Variants in SAP30BP observed in about 807,000 individuals in gnomAD.
SAP30BP encodes the protein SAP30 binding protein.
In SAP30BP, 31 loss-of-function variants were observed where a neutral mutation model predicts 46.3. The observed-to-expected ratio is 0.67, with a 90% CI of 0.50 to 0.90. The LOEUF is 0.90. SAP30BP is among the 40% of genes least tolerant of loss of function. SAP30BP has a pLI of 0.00. For synonymous variants in SAP30BP, 169 were observed against 144.2 expected, an observed-to-expected ratio of 1.17 and a Z score of -1.23; for missense variants, 312 against 391.0, an observed-to-expected ratio of 0.80 and a Z score of 1.70.
intron 3 of SAP30BP, among the ~76,000 whole-genome samples, chr17:75,680,184 G>C (rs951751679): frequency 6.6e-6 from 1 of 152,068 alleles, no homozygotes; most frequent in Non-Finnish European, 1.5e-5. Context: ...CTCACGCTCT[G>C]ATCTAGGAAA....
In SAP30BP at chr17:75,668,449, C is replaced by G. The variant is rs944843258; in HGVS notation, c.107-67C>G. On this transcript the variant is annotated intron_variant, in intron 1 of 10. Coordinates refer to ENST00000584667, the MANE Select transcript of SAP30BP (RefSeq NM_013260.8). ...CCACTCAAATCTCTGGACATTTTTT[C>G]TTACATTGTAACTCTTGTTTTTTTT... 152 of 998,794 alleles carry G rather than the reference C, an allele frequency of 1.5e-4. 2 individuals are homozygous for G. The highest frequency in any genetic ancestry group is 8.8e-4 in the Admixed American group (30 of 34,074). 61.9% of individuals were successfully genotyped at this position (998,794 alleles called of 1,614,324 possible).
At chr17:75,689,889 C>G (rs549461022) in intron 3 of SAP30BP, among the ~76,000 whole-genome samples, 1 of 152,140 alleles carries the variant, frequency 6.6e-6, no homozygotes, top group Non-Finnish European at 1.5e-5. Flanking sequence ...AATAATCGAG[C>G]CTTTCTTCCG....
At chr17:75,704,917 C>G (rs928631062) in intron 9 of SAP30BP, 103 bp downstream of exon 9, 3 of 885,300 alleles carry the variant, frequency 3.4e-6, no homozygotes, top group Non-Finnish European at 5.7e-6. Flanking sequence ...ACCCTGGCCC[C>G]GTGTCATCAC....
chr17:75,673,529 C>G (rs2059937950), intron 3 of SAP30BP, among the ~76,000 whole-genome samples: 1 of 152,142 alleles, frequency 6.6e-6, no homozygotes, highest in Non-Finnish European at 1.5e-5. Flanking sequence ...GATCTGGGTC[C>G]TAGAGTCTTT....
intron 9 of SAP30BP, chr17:75,705,594 TC>T (rs905655514): frequency 9.7e-7 from 1 of 1,031,716 alleles, no homozygotes; most frequent in Non-Finnish European, 1.2e-6. Context: ...TCTTTCCCTC[TC>T]CCTTCCAAAC....
At chr17:75,701,512 C>G (rs1395227719) in intron 5 of SAP30BP, among the ~76,000 whole-genome samples, 1 of 152,192 alleles carries the variant, frequency 6.6e-6, no homozygotes, top group East Asian at 1.9e-4. Flanking sequence ...AGGTGGTTCT[C>G]CACTCTCCCA....
intron 3 of SAP30BP, chr17:75,692,349 C>T (rs2060254080): frequency 1.0e-6 from 1 of 985,434 alleles, no homozygotes; most frequent in South Asian, 4.7e-5. Context: ...GGTCTTGTTG[C>T]AGGGTCTTCC....
At chr17:75,679,448 C>T (rs1001341922) in intron 3 of SAP30BP, 2 of 152,190 alleles carry the variant, frequency 1.3e-5, no homozygotes, top group African/African-American at 2.4e-5. Flanking sequence ...ACTTTGTTAT[C>T]TGATGACTTT....
chr17:75,699,922 T>TA, intron 5 of SAP30BP, 51 bp downstream of exon 5: 1 of 1,357,242 alleles, frequency 7.4e-7, no homozygotes, highest in Non-Finnish European at 1.1e-6. Context: ...TAGCCTGGGT[T>TA]ACGTGTTTGG....
At chr17:75,696,846 C>T (rs1599156139) in intron 4 of SAP30BP, among the ~76,000 whole-genome samples, 1 of 145,196 alleles carries the variant, frequency 6.9e-6, no homozygotes, top group South Asian at 2.2e-4. Context: ...GGTGCAATCT[C>T]GGCTCACTGT....
intron 3 of SAP30BP, among the ~76,000 whole-genome samples, chr17:75,675,393 C>T (rs1297909495): frequency 6.6e-6 from 1 of 152,120 alleles, no homozygotes; most frequent in Non-Finnish European, 1.5e-5. Context: ...TCGTTATCTG[C>T]CCACCTCAGC....
chr17:75,693,225 G>A (rs752500896), intron 3 of SAP30BP: 7 of 551,474 alleles, frequency 1.3e-5, no homozygotes, highest in East Asian at 6.2e-5. Context: ...AGAGACCGGC[G>A]TGGGGCTCGG....
intron 3 of SAP30BP, among the ~76,000 whole-genome samples, chr17:75,673,932 G>T (rs1192515857): frequency 6.6e-6 from 1 of 152,166 alleles, no homozygotes; most frequent in East Asian, 1.9e-4. Flanking sequence ...TTTTACTGTG[G>T]AATGAAAAGT....
chr17:75,691,126 G>C (rs1334007550), intron 3 of SAP30BP, among the ~76,000 whole-genome samples: 3 of 152,090 alleles, frequency 2.0e-5, no homozygotes, highest in Admixed American at 6.5e-5. Context: ...CTTGTTTGTG[G>C]GCCTCAGGTT....
At position 75,671,741 on chromosome 17, in the gene SAP30BP, G is replaced by T. The variant is rs1265002181; in HGVS notation, c.217-75G>T. ...GCTGGGTAAATGGGCTGTTTGCTCC[G>T]GCCCCTAGTTATGCATGTGAGACTC... On this transcript the variant is annotated intron_variant, in intron 2 of 10. Coordinates refer to ENST00000584667, the MANE Select transcript of SAP30BP (RefSeq NM_013260.8). The T allele has an allele frequency of 1.0e-5, 12 of 1,145,576 alleles. No homozygotes were observed. In the East Asian group the frequency reaches 2.3e-4, roughly 22 times the overall value. The allele number at this position is 1,145,576 out of a possible 1,614,324, so 71.0% of individuals were successfully genotyped here. A position where few individuals can be genotyped will look rare whatever the true frequency, so the allele number is the denominator to read the frequency against.
At chr17:75,684,855 T>C (rs1175809863) in intron 3 of SAP30BP, 1 of 152,206 alleles carries the variant, frequency 6.6e-6, no homozygotes. Flanking sequence ...AATCCAAGCC[T>C]GCTTTGGCTT....
intron 7 of SAP30BP, 105 bp from the exon 8 acceptor site, chr17:75,703,703 C>T (rs1022829957): frequency 1.8e-5 from 18 of 1,022,948 alleles, no homozygotes; most frequent in Admixed American, 1.0e-4. Flanking sequence ...AGCCGAGCCC[C>T]GGGTAAGGGG....
rs112125050 is a variant in SAP30BP at position 75,693,758 on chromosome 17, G to A, written c.307+276G>A. 3.9e-3 allele frequency among the ~76,000 whole-genome samples: 600 copies of A among 152,332 alleles called. 7 individuals carry two copies. The highest frequency in any genetic ancestry group is 0.014 in the African/African-American group (578 of 41,584). On this transcript the variant is annotated intron_variant, in intron 4 of 10. Coordinates refer to ENST00000584667, the MANE Select transcript of SAP30BP (RefSeq NM_013260.8). Reference sequence around the variant, plus strand: ...GGGAATTCAGGGCACTCAGCTGGGAGCGTGTCTTGGTCTCTGCTTCCCCTA... The same window carrying A: ...GGGAATTCAGGGCACTCAGCTGGGAACGTGTCTTGGTCTCTGCTTCCCCTA...
chr17:75,668,384 G>A (rs950322814), intron 1 of SAP30BP, 132 bp from the exon 2 acceptor site: 1 of 565,670 alleles, frequency 1.8e-6, no homozygotes, highest in Non-Finnish European at 3.0e-6. Context: ...AACTTAACAT[G>A]AGATTTAGGT....
Sources: gnomAD v4.1 joint callset for allele counts (sites outside exome capture counted in the v4.1 genomes callset) on GRCh38, gnomAD v4.1.1 for gene constraint, MANE v1.5 for transcripts, NCBI Gene and HGNC (gene_info 2026-07-23, HGNC 2026-07-21) for gene names.